The following ADCY2 variants were observed in gnomAD, a reference collection of about 807,000 sequenced individuals.
ADCY2 encodes adenylate cyclase 2, also known as adenylate cyclase type 2.
A neutral mutation model predicts 125.2 loss-of-function variants in ADCY2; 31 were observed. The ratio of observed to expected loss-of-function variants is 0.25; its 90% CI spans 0.19 to 0.33. The LOEUF (loss-of-function observed/expected upper bound fraction) is 0.33, where lower values mean the gene tolerates loss of function less well. Ranked by LOEUF, ADCY2 falls within the 10% of genes least tolerant of loss-of-function variation. The probability of loss-of-function intolerance (pLI) is 1.00; values close to 1 mark genes in which losing one functional copy is unlikely to be tolerated. For synonymous variants in ADCY2, 512 were observed against 548.4 expected (o/e 0.93, Z 0.93); for missense variants, 904 against 1,418.2 (o/e 0.64, Z 5.82).
intron 3 of ADCY2, among the ~76,000 whole-genome samples, chr5:7,573,740 T>G (rs987177652): frequency 2.0e-5 from 3 of 151,674 alleles, no homozygotes; most frequent in Admixed American, 1.3e-4. Context: ...CTCTTTTTTT[T>G]GTTTGTTTTT....
chr5:7,696,724 T>C (rs560964412), intron 6 of ADCY2, among the ~76,000 whole-genome samples: 2 of 152,274 alleles, frequency 1.3e-5, no homozygotes, highest in Non-Finnish European at 2.9e-5. Context: ...TCCAGCTGAG[T>C]CTCTTAGGAA....
intron 22 of ADCY2, among the ~76,000 whole-genome samples, chr5:7,814,056 A>C (rs1745028059): frequency 6.6e-6 from 1 of 152,200 alleles, no homozygotes; most frequent in Non-Finnish European, 1.5e-5. Flanking sequence ...TATGATAGAA[A>C]AGACTAACTG....
Position 7,766,783 on chromosome 5 carries a change from G to A in ADCY2, c.2191G>A (p.Ala731Thr). The change falls in exon 17 of 25, where the codon GCG becomes ACG. Residue 731 changes from alanine to threonine, a missense_variant. By Grantham distance (58) the Ala-to-Thr change is moderately conservative (BLOSUM62 0). Coordinates refer to ENST00000338316, the MANE Select transcript of ADCY2 (RefSeq NM_020546.3). ...ASNNQVAILRAQNLFFLPYFI... is the reference protein window; with the variant it reads ...ASNNQVAILRTQNLFFLPYFI... ...AAATAATCAGGTGGCGATTCTGCGT[G>A]CGCAGAATTTATTTTTCCTCCCGGT... The A allele has an allele frequency of 6.2e-7, 1 of 1,609,506 alleles. No individual in the cohort carries two copies. Among genetic ancestry groups the A allele is most frequent in the Non-Finnish European group, 8.5e-7 (1 of 1,178,994 alleles).
Position 7,709,142 on chromosome 5 carries a change from G to T in ADCY2, c.1402-69G>T. 6.9e-7 allele frequency: 1 copy of T among 1,446,064 alleles called. No homozygotes were observed. The highest frequency in any genetic ancestry group is 9.2e-7 in the Non-Finnish European group (1 of 1,089,226). 89.6% of individuals were successfully genotyped at this position (1,446,064 alleles called of 1,614,324 possible). On this transcript the variant is annotated intron_variant, in intron 9 of 24. Transcript: ENST00000338316. The surrounding 1 kb of genome is among the most constrained non-coding windows in gnomAD (Gnocchi z 4.4). ...GGAGGAATGACCCTAGTCCAATGAGGTCGATGCCAAAAGGATCATGTGTGG... is the reference window on the plus strand; with the variant it reads ...GGAGGAATGACCCTAGTCCAATGAGTTCGATGCCAAAAGGATCATGTGTGG...
Position 7,802,061 on chromosome 5 carries a change from AG to A in ADCY2, c.2629-156del. 1.4e-6 allele frequency: 1 copy of A among 700,254 alleles called. No homozygotes were observed. The highest frequency in any genetic ancestry group is 2.3e-6 in the Non-Finnish European group (1 of 429,484). 43.4% of individuals were successfully genotyped at this position (700,254 alleles called of 1,614,324 possible). ...GAAGCTTTCCCCTGAGAGCAGCGGC[AG>A]CATCTGGATTGGGCCGCGGCTGGGG... is the stretch of plus-strand genomic sequence containing the variant. On this transcript the variant is annotated intron_variant, in intron 20 of 24. Transcript: ENST00000338316. This position sits in a 1 kb window ranked among gnomAD's most constrained non-coding sequence, Gnocchi z 4.6.
rs116994086 is a variant in ADCY2 at position 7,764,136 on chromosome 5, C to G, written c.2095-2551C>G. ...TTTCCAATGAATTGTGCGATTTTAACAGGATATCTTAAACACTTGATGTTT... is the reference window on the plus strand; with the variant it reads ...TTTCCAATGAATTGTGCGATTTTAAGAGGATATCTTAAACACTTGATGTTT... On this transcript the variant is annotated intron_variant, in intron 16 of 24. Transcript: ENST00000338316. 8.6e-4 allele frequency among the ~76,000 whole-genome samples: 131 copies of G among 152,290 alleles called. No homozygotes were observed. The East Asian group carries it at 0.023, about 27-fold the overall frequency.
intron 20 of ADCY2, chr5:7,794,150 A>G (rs1387268356): frequency 6.6e-6 from 1 of 152,230 alleles, no homozygotes; most frequent in Non-Finnish European, 1.5e-5. Context: ...TGATGCTGGG[A>G]AATGAAATGA....
chr5:7,658,835 G>T (rs567306743), intron 4 of ADCY2, among the ~76,000 whole-genome samples: 1 of 152,102 alleles, frequency 6.6e-6, no homozygotes. Context: ...TTCAAAGCCC[G>T]TTCACTGCAG....
rs1182525215 is a variant in ADCY2, at chr5:7,759,468, T to G, written c.2094+1882T>G. On this transcript the variant is annotated intron_variant, in intron 16 of 24. Coordinates refer to ENST00000338316, the MANE Select transcript of ADCY2 (RefSeq NM_020546.3). ...CCCAGGGCTAAGGCAGGCCCTTGGC[T>G]GGCAGTCCCCTGTGGAGAGGTCCTG... Among the ~76,000 whole-genome samples the G allele has an allele frequency of 2.0e-5, 3 of 152,188 alleles. No individual in the cohort carries two copies. In the East Asian group the frequency reaches 5.8e-4, roughly 29 times the overall value.
intron 3 of ADCY2, among the ~76,000 whole-genome samples, chr5:7,570,569 GA>G (rs1299468917): frequency 9.3e-6 from 1 of 107,932 alleles, no homozygotes; most frequent in African/African-American, 3.6e-5. Context: ...AAAAAATGCA[GA>G]AAAAAAGAAG....
At chr5:7,727,317 C>T in intron 14 of ADCY2, 56 bp downstream of exon 14, 1 of 1,373,146 alleles carries the variant, frequency 7.3e-7, no homozygotes, top group Non-Finnish European at 1.0e-6. Flanking sequence ...TCCACTGGAG[C>T]CCAGTTATAT....
intron 3 of ADCY2, among the ~76,000 whole-genome samples, chr5:7,545,573 G>GC (rs1735122577): frequency 6.6e-6 from 1 of 152,068 alleles, no homozygotes; most frequent in Non-Finnish European, 1.5e-5. Context: ...AGACCTATCT[G>GC]CCCCCGCCCC....
Position 7,802,300 on chromosome 5 carries a change from A to G in ADCY2, c.2711A>G (p.Asp904Gly). The change falls in exon 21 of 25, where the codon GAC (aspartate) becomes GGC (glycine). Residue 904 changes from aspartate to glycine, a missense_variant. Transcript: ENST00000338316. The surrounding 1 kb of genome is among the most constrained non-coding windows in gnomAD (Gnocchi z 4.6). ...TTCAAAGAATTTTATACAGAATCCG[A>G]CGTGAACAAGGAGGGCTTGGAATGC... ...PDFKEFYTES[D>G]VNKEGLECLR... is the part of the protein sequence containing the mutation. 6.2e-7 allele frequency: 1 copy of G among 1,614,208 alleles called. No individual in the cohort carries two copies. The highest frequency in any genetic ancestry group is 8.5e-7 in the Non-Finnish European group (1 of 1,180,024).
intron 1 of ADCY2, among the ~76,000 whole-genome samples, chr5:7,410,982 CTT>C (rs1480888410): frequency 6.6e-6 from 1 of 152,126 alleles, no homozygotes; most frequent in African/African-American, 2.4e-5. Flanking sequence ...GAGAGTGTCT[CTT>C]TATTCCATTG....
chr5:7,396,218 G>T lies in ADCY2; in HGVS notation c.-79G>T. 6.1e-6 allele frequency: 5 copies of T among 821,704 alleles called. No homozygotes were observed. Among genetic ancestry groups the T allele is most frequent in the Non-Finnish European group, 7.3e-6 (5 of 684,244 alleles). The allele number at this position is 821,704 out of a possible 1,614,324, so 50.9% of individuals were successfully genotyped here. ...CAGCCGGGCCGGCCGAGGCGGCGCG[G>T]GGGTGGGACGCGGGCGGCCGCGGCG... is the stretch of plus-strand genomic sequence containing the variant. On this transcript the variant is annotated 5_prime_UTR_variant, in exon 1 of 25. Transcript: ENST00000338316. The surrounding 1 kb of genome is among the most constrained non-coding windows in gnomAD (Gnocchi z 5.7).
At position 7,695,772 on chromosome 5, in the gene ADCY2, T is replaced by C. The variant is rs1740870517; in HGVS notation, c.890T>C (p.Val297Ala). Residue 297 changes from valine to alanine, a missense_variant, in exon 6 of 25, where the codon GTT becomes GCT. Coordinates refer to ENST00000338316, the MANE Select transcript of ADCY2 (RefSeq NM_020546.3). ...TNVSILYADIVGFTRLASDCS... is the reference protein window; with the variant it reads ...TNVSILYADIAGFTRLASDCS... ...CACAGCATCTTATACGCTGACATCGTTGGCTTTACCCGGCTGGCAAGTGAC... is the reference window on the plus strand; with the variant it reads ...CACAGCATCTTATACGCTGACATCGCTGGCTTTACCCGGCTGGCAAGTGAC... The C allele has an allele frequency of 1.2e-6, 2 of 1,612,454 alleles. No individual in the cohort carries two copies. Among genetic ancestry groups the C allele is most frequent in the Non-Finnish European group, 8.5e-7 (1 of 1,179,114 alleles).
intron 4 of ADCY2, among the ~76,000 whole-genome samples, chr5:7,648,263 A>T (rs1370641172): frequency 6.6e-6 from 1 of 152,130 alleles, no homozygotes; most frequent in African/African-American, 2.4e-5. Flanking sequence ...AGAATGTTCA[A>T]TTCTTTTGGC....
At chr5:7,730,467 T>C (rs1358233196) in intron 14 of ADCY2, among the ~76,000 whole-genome samples, 1 of 152,244 alleles carries the variant, frequency 6.6e-6, no homozygotes, top group Non-Finnish European at 1.5e-5. Flanking sequence ...TCTTTACCAA[T>C]TAATTTGCTC....
At chr5:7,639,849 CTAGTGTGATTTT>C (rs897883821) in intron 4 of ADCY2, among the ~76,000 whole-genome samples, 1 of 152,150 alleles carries the variant, frequency 6.6e-6, no homozygotes, top group Non-Finnish European at 1.5e-5. Context: ...CCTCTAGTTT[CTAGTGTGATTTT>C]GGCTGACATA....
Sources: gnomAD v4.1 joint callset for allele counts (sites outside exome capture counted in the v4.1 genomes callset) on GRCh38, gnomAD v4.1.1 for gene constraint, Gnocchi (gnomAD v3.1) non-coding constraint, MANE v1.5 for transcripts, NCBI Gene and HGNC (gene_info 2026-07-23, HGNC 2026-07-21) for gene names.